Variants in ZNF652 observed in about 807,000 individuals in gnomAD.
ZNF652 encodes the protein zinc finger protein 652.
A neutral mutation model predicts 45.2 loss-of-function variants in ZNF652; 16 were observed. The ratio of observed to expected loss-of-function variants is 0.35; its 90% CI spans 0.24 to 0.54. ZNF652 has a LOEUF of 0.54. ZNF652 is among the 20% of genes least tolerant of loss of function. The pLI is 0.91. For missense variants in ZNF652, 614 were observed against 765.6 expected (o/e 0.80, Z 2.34); for synonymous variants, 250 against 260.6 (o/e 0.96, Z 0.39).
At chr17:49,307,046 C>T (rs1344734264) in intron 5 of ZNF652, among the ~76,000 whole-genome samples, 1 of 152,114 alleles carries the variant, frequency 6.6e-6, no homozygotes, top group African/African-American at 2.4e-5. Flanking sequence ...AGCCACTGTG[C>T]CTGGCCTGTG....
Position 49,311,929 on chromosome 17 carries a change from C to G in ZNF652, c.1162G>C (p.Glu388Gln). The change falls in exon 4 of 6, where the codon GAG becomes CAG. Residue 388 changes from glutamate (E) to glutamine (Q), a missense_variant and splice_region_variant. Physicochemically the swap from Glu to Gln is conservative, Grantham distance 29. Coordinates refer to ENST00000430262, the MANE Select transcript of ZNF652 (RefSeq NM_001145365.3). ...CCTGTAGGTAGCACATTCCTTACCT[C>G]GCATCTAAAGGGCTTCTCTCCAGAA... is the stretch of plus-strand genomic sequence containing the variant. ...QHSGEKPFRC[E>Q]NCDERFQYKY... The G allele has an allele frequency of 1.2e-6, 2 of 1,611,554 alleles. No individual in the cohort carries two copies. The highest frequency in any genetic ancestry group is 1.7e-6 in the Non-Finnish European group (2 of 1,178,048).
chr17:49,339,681 C>A (rs2070123451), intron 1 of ZNF652, among the ~76,000 whole-genome samples: 1 of 152,144 alleles, frequency 6.6e-6, no homozygotes, highest in Non-Finnish European at 1.5e-5. Context: ...AGGTTTTAAC[C>A]AAGCGATTTT....
At chr17:49,313,564 G>A (rs1197882050) in intron 2 of ZNF652, among the ~76,000 whole-genome samples, 1 of 152,122 alleles carries the variant, frequency 6.6e-6, no homozygotes, top group Non-Finnish European at 1.5e-5. Context: ...GGTTTTACCA[G>A]AGAATATAAA....
At chr17:49,345,992 CT>C (rs1370120464) in intron 1 of ZNF652, among the ~76,000 whole-genome samples, 1 of 152,148 alleles carries the variant, frequency 6.6e-6, no homozygotes, top group African/African-American at 2.4e-5. Flanking sequence ...AAATATCAGA[CT>C]TTTATTAAAT....
rs948663446 is a variant in ZNF652 at position 49,362,054 on chromosome 17, C to T, written c.-404G>A. 3 of 149,438 alleles carry T rather than the reference C, an allele frequency of 2.0e-5. No homozygotes were observed. The highest frequency in any genetic ancestry group is 7.3e-5 in the African/African-American group (3 of 41,070). The allele number at this position is 149,438 out of a possible 1,614,324, so 9.3% of individuals were successfully genotyped here. A position where few individuals can be genotyped will look rare whatever the true frequency, so the allele number is the denominator to read the frequency against. ...CCTGCCCAACGTCTGTCCTCAGGGC[C>T]GCTCCTCAGACCCGGCCTCGGCCGC... On this transcript the variant is annotated 5_prime_UTR_variant, in exon 1 of 6. Transcript: ENST00000430262.
chr17:49,333,560 A>AAAAAG (rs2070048169), intron 1 of ZNF652, among the ~76,000 whole-genome samples: 1 of 141,478 alleles, frequency 7.1e-6, no homozygotes, highest in African/African-American at 2.6e-5. Flanking sequence ...AAAAAAAAAA[A>AAAAAG]AAAAAAAAAA....
At chr17:49,351,014 T>TATAC (rs2070273379) in intron 1 of ZNF652, among the ~76,000 whole-genome samples, 50 of 29,584 alleles carry the variant, frequency 1.7e-3, no homozygotes, top group South Asian at 3.7e-3. Context: ...TATATATATA[T>TATAC]ACACACACAC....
chr17:49,349,355 C>T (rs1438716958), intron 1 of ZNF652, among the ~76,000 whole-genome samples: 1 of 152,062 alleles, frequency 6.6e-6, no homozygotes, highest in African/African-American at 2.4e-5. Context: ...GTCGAGATCA[C>T]ACCATTGCAC....
At chr17:49,335,800 C>T (rs2070073643) in intron 1 of ZNF652, among the ~76,000 whole-genome samples, 1 of 152,190 alleles carries the variant, frequency 6.6e-6, no homozygotes, top group African/African-American at 2.4e-5. Flanking sequence ...ATGGAAATGA[C>T]CCCACAACCT....
intron 1 of ZNF652, among the ~76,000 whole-genome samples, chr17:49,321,443 T>G (rs74630384): frequency 6.9e-6 from 1 of 144,212 alleles, no homozygotes; most frequent in African/African-American, 2.6e-5. Context: ...TTTTTTTTTT[T>G]TTTTGTATTT....
chr17:49,340,537 G>C (rs1417711693), intron 1 of ZNF652, among the ~76,000 whole-genome samples: 5 of 117,920 alleles, frequency 4.2e-5, no homozygotes, highest in Non-Finnish European at 8.2e-5. Context: ...GCAACAAAGC[G>C]AGACTCTGTC....
intron 1 of ZNF652, among the ~76,000 whole-genome samples, chr17:49,319,490 G>A (rs954721188): frequency 6.6e-6 from 1 of 151,914 alleles, no homozygotes; most frequent in South Asian, 2.1e-4. Flanking sequence ...AAAATTAGCT[G>A]AGCATAGCGG....
intron 1 of ZNF652, among the ~76,000 whole-genome samples, chr17:49,329,139 T>C (rs2069996928): frequency 1.3e-5 from 2 of 152,224 alleles, no homozygotes; most frequent in African/African-American, 4.8e-5. Context: ...TATGGATACA[T>C]TTCAGTTTTC....
At position 49,298,884 on chromosome 17, in the gene ZNF652, G is replaced by A. The variant is rs1223090267; in HGVS notation, c.1350C>T (p.Phe450=). Residue 450 remains phenylalanine, a synonymous_variant, in exon 6 of 6, where the codon TTC becomes TTT. Transcript: ENST00000430262. ...PFICEICGKS[F]TSRPNMKRHR... is the part of the protein sequence containing the mutation. ...GTCTCTTCATGTTGGGGCGGCTGGT[G>A]AAGCTTTTGCCACAGATTTCACAGA... The A allele has an allele frequency of 6.2e-6, 10 of 1,613,058 alleles. No homozygotes were observed. In the Admixed American group the frequency reaches 1.2e-4, roughly 19 times the overall value.
chr17:49,361,824 G>A (rs1339641968), intron 1 of ZNF652, 85 bp downstream of exon 1: 2 of 151,602 alleles, frequency 1.3e-5, no homozygotes, highest in East Asian at 1.9e-4. Context: ...AGCCCGGGCC[G>A]GCCCCGCGGG....
chr17:49,339,310 CTT>C (rs36110074), intron 1 of ZNF652, among the ~76,000 whole-genome samples: 30,810 of 110,610 alleles, frequency 0.28, 4,038 homozygotes, highest in African/African-American at 0.35. Context: ...TCAAGTGATT[CTT>C]TTTTTTTTTT....
intron 5 of ZNF652, among the ~76,000 whole-genome samples, chr17:49,307,260 C>T (rs1003689232): frequency 4.6e-5 from 7 of 150,840 alleles, no homozygotes; most frequent in South Asian, 2.1e-4. Flanking sequence ...GGTGAAACCC[C>T]GTTTCTACTA....
At chr17:49,335,418 T>G (rs1258292498) in intron 1 of ZNF652, among the ~76,000 whole-genome samples, 2 of 152,166 alleles carry the variant, frequency 1.3e-5, no homozygotes, top group Admixed American at 6.5e-5. Flanking sequence ...ACATTTAATG[T>G]TCTACAAGTT....
chr17:49,340,549 CAAAAAA>C (rs1040246588), intron 1 of ZNF652, among the ~76,000 whole-genome samples: 18 of 50,128 alleles, frequency 3.6e-4, no homozygotes, highest in African/African-American at 1.0e-3. Context: ...GACTCTGTCT[CAAAAAA>C]AAAAAAAAAA....
Sources: allele counts gnomAD v4.1 joint callset (sites outside exome capture counted in the v4.1 genomes callset), GRCh38; gene constraint gnomAD v4.1.1; transcripts MANE v1.5; gene names NCBI Gene and HGNC (gene_info 2026-07-23, HGNC 2026-07-21).